Variants in PMFBP1 observed in about 807,000 individuals in gnomAD.
PMFBP1 encodes the protein polyamine modulated factor 1 binding protein 1.
PMFBP1 carries 131 observed loss-of-function variants against 137.8 expected under a neutral mutation model. The ratio of observed to expected loss-of-function variants is 0.95; its 90% CI spans 0.82 to 1.10. PMFBP1 has a LOEUF of 1.10. Ranked by LOEUF, PMFBP1 falls within the 50% of genes least tolerant of loss-of-function variation. The pLI, the probability that PMFBP1 is intolerant of heterozygous loss-of-function variation, is 0.00. For missense variants in PMFBP1, 1,199 were observed against 1,175.4 expected, an observed-to-expected ratio of 1.02 and a Z score of -0.29; for synonymous variants, 490 against 450.4, an observed-to-expected ratio of 1.09 and a Z score of -1.11.
At chr16:72,182,490 T>C in the PMFBP1 span, among the ~76,000 whole-genome samples, 13 of 110,232 alleles carry the variant, frequency 1.2e-4, no homozygotes, top group African/African-American at 4.5e-4. Context: ...AGTGAAACTC[T>C]GCCTCAAAAA....
the PMFBP1 span, among the ~76,000 whole-genome samples, chr16:72,228,928 C>T: frequency 0.034 from 5,121 of 149,746 alleles, 645 homozygotes; most frequent in East Asian, 0.31. Flanking sequence ...TGGCATGGGG[C>T]TTTGGTGTAC....
the PMFBP1 span, among the ~76,000 whole-genome samples, chr16:72,206,331 G>C: frequency 6.6e-6 from 1 of 152,132 alleles, no homozygotes; most frequent in African/African-American, 2.4e-5. Flanking sequence ...AGGAGCCTCT[G>C]TGACCTGCAC....
At chr16:72,215,330 GAA>G in the PMFBP1 span, among the ~76,000 whole-genome samples, 1 of 151,188 alleles carries the variant, frequency 6.6e-6, no homozygotes, top group South Asian at 2.1e-4. Flanking sequence ...GTGAAGCACA[GAA>G]AGGTAAGGTA....
chr16:72,157,183 CAAAAAAAAAAA>C (rs35414674), intron 3 of PMFBP1, among the ~76,000 whole-genome samples: 3 of 18,930 alleles, frequency 1.6e-4, no homozygotes, highest in East Asian at 2.5e-3. Flanking sequence ...GACTCCATCT[CAAAAAAAAAAA>C]AAAAAAAAAA....
chr16:72,119,082 G>A (rs554513274), downstream of PMFBP1: 73 of 428,228 alleles, frequency 1.7e-4, no homozygotes, highest in African/African-American at 1.4e-3. Flanking sequence ...GACGCCAACA[G>A]CTCACCACAA....
At chr16:72,179,387 C>T (rs1415920911), upstream of PMFBP1, among the ~76,000 whole-genome samples, 1 of 152,134 alleles carries the variant, frequency 6.6e-6, no homozygotes, top group South Asian at 2.1e-4. Context: ...CTGTCAAACG[C>T]CAGCTCAGTT....
At chr16:72,122,786 G>T in intron 19 of PMFBP1, 128 bp downstream of exon 19, 1 of 767,770 alleles carries the variant, frequency 1.3e-6, no homozygotes, top group Non-Finnish European at 2.1e-6. Flanking sequence ...GAGACCTGGG[G>T]GTCTTTCCAA....
At chr16:72,153,873 CTT>C (rs573116300) in intron 4 of PMFBP1, among the ~76,000 whole-genome samples, 1 of 148,998 alleles carries the variant, frequency 6.7e-6, no homozygotes, top group Non-Finnish European at 1.5e-5. Flanking sequence ...GACCTACAGT[CTT>C]TTGCATTTAC....
At chr16:72,159,645 A>C (rs1418275745) in intron 3 of PMFBP1, among the ~76,000 whole-genome samples, 1 of 152,244 alleles carries the variant, frequency 6.6e-6, no homozygotes, top group Non-Finnish European at 1.5e-5. Flanking sequence ...GCCTAGACTT[A>C]TTTGAGACCA....
chr16:72,211,180 A>T, the PMFBP1 span, among the ~76,000 whole-genome samples: 3 of 152,174 alleles, frequency 2.0e-5, no homozygotes, highest in South Asian at 6.2e-4. Context: ...AACAAACTAG[A>T]CTTGGAGCTT....
At chr16:72,118,194 C>G (rs1042760144), downstream of PMFBP1, among the ~76,000 whole-genome samples, 1 of 152,174 alleles carries the variant, frequency 6.6e-6, no homozygotes, top group African/African-American at 2.4e-5. Flanking sequence ...ATAAAGCAAG[C>G]CACAGGCTAG....
intron 5 of PMFBP1, among the ~76,000 whole-genome samples, chr16:72,141,037 C>T (rs1052732642): frequency 1.4e-4 from 20 of 143,128 alleles, no homozygotes; most frequent in Admixed American, 7.3e-4. Context: ...CAGGTTCAAG[C>T]GATTCTCCTG....
At chr16:72,227,859 C>T in the PMFBP1 span, among the ~76,000 whole-genome samples, 1 of 152,308 alleles carries the variant, frequency 6.6e-6, no homozygotes, top group South Asian at 2.1e-4. Flanking sequence ...TGTGCCCCCA[C>T]ACAATGAGCA....
At chr16:72,167,370 A>C (rs1395327154) in intron 2 of PMFBP1, among the ~76,000 whole-genome samples, 1 of 151,996 alleles carries the variant, frequency 6.6e-6, no homozygotes, top group Non-Finnish European at 1.5e-5. Context: ...ATTATCTCAA[A>C]ACTCTCCCTC....
rs970172462 is a variant in PMFBP1, at chr16:72,164,324, C to T, written c.165+440G>A. 22 of 1,025,142 alleles carry T rather than the reference C, an allele frequency of 2.1e-5. 1 individual carries two copies. Among genetic ancestry groups the T allele is most frequent in the African/African-American group, 1.8e-4 (11 of 60,554 alleles). 63.5% of individuals were successfully genotyped at this position (1,025,142 alleles called of 1,614,324 possible). A position where few individuals can be genotyped will look rare whatever the true frequency, so the allele number is the denominator to read the frequency against. Reference sequence around the variant, plus strand: ...AGAAAAGCTTGCAGGCAGTGAGACGCAGGTGCAGCAATAAAGACCCCCTGC... The same window carrying T: ...AGAAAAGCTTGCAGGCAGTGAGACGTAGGTGCAGCAATAAAGACCCCCTGC... On this transcript the variant is annotated intron_variant, in intron 3 of 20. Coordinates refer to ENST00000237353, the MANE Select transcript of PMFBP1 (RefSeq NM_031293.3).
chr16:72,129,622 G>C (rs2042517351), intron 12 of PMFBP1, among the ~76,000 whole-genome samples: 1 of 152,160 alleles, frequency 6.6e-6, no homozygotes, highest in African/African-American at 2.4e-5. Flanking sequence ...ATCTCCTACT[G>C]CTGGGCACTA....
the PMFBP1 span, among the ~76,000 whole-genome samples, chr16:72,237,085 A>G: frequency 3.9e-5 from 6 of 152,192 alleles, no homozygotes; most frequent in African/African-American, 9.6e-5. Flanking sequence ...CACATGCCCA[A>G]CATGTAGTGG....
the PMFBP1 span, among the ~76,000 whole-genome samples, chr16:72,241,020 T>C: frequency 6.6e-6 from 1 of 151,960 alleles, no homozygotes; most frequent in Non-Finnish European, 1.5e-5. Context: ...TTAACCTTGG[T>C]AGACAATATG....
At chr16:72,138,762 C>T (rs1261547766) in intron 7 of PMFBP1, among the ~76,000 whole-genome samples, 1 of 152,094 alleles carries the variant, frequency 6.6e-6, no homozygotes, top group Non-Finnish European at 1.5e-5. Flanking sequence ...GTGATCTGCT[C>T]ACCTTGGCCT....
Sources: gnomAD v4.1 joint callset for allele counts (sites outside exome capture counted in the v4.1 genomes callset) on GRCh38, gnomAD v4.1.1 for gene constraint, MANE v1.5 for transcripts, NCBI Gene and HGNC (gene_info 2026-07-23, HGNC 2026-07-21) for gene names.